TUT4: variants seen among roughly 807,000 people sequenced by gnomAD.
TUT4 encodes terminal uridylyltransferase 4.
Under a neutral mutation model 192.2 loss-of-function variants are expected in TUT4, and 36 were observed. The ratio of observed to expected loss-of-function variants is 0.19; its 90% CI spans 0.14 to 0.25. TUT4 has a LOEUF of 0.25. Ranked by LOEUF, TUT4 falls within the 10% of genes least tolerant of loss-of-function variation. TUT4 has a pLI of 1.00. For missense variants in TUT4, 1,493 were observed against 1,957.2 expected, an observed-to-expected ratio of 0.76 and a Z score of 4.47; for synonymous variants, 618 against 666.0, an observed-to-expected ratio of 0.93 and a Z score of 1.11.
Position 52,525,572 on chromosome 1 carries a change from C to T in TUT4, c.709G>A (p.Asp237Asn). ...CCAAAAAATGACTTACTTAAATCGT[C>T]CGATACGTCTTCAATTCCTGAAGCA... ...DSASGIEDVS[D>N]DLSKMKNDES... The change falls in exon 2 of 30, where the codon GAC becomes AAC. Residue 237 changes from aspartate to asparagine, a missense_variant. Around this residue, in one of 7 missense-constraint regions of TUT4, gnomAD observed 437 missense variants for 577.6 expected, o/e 0.76. Coordinates refer to ENST00000257177, the MANE Select transcript of TUT4 (RefSeq NM_001009881.3). 1.2e-6 allele frequency: 2 copies of T among 1,607,134 alleles called. No homozygotes were observed. The highest frequency in any genetic ancestry group is 1.1e-5 in the South Asian group (1 of 89,700).
At chr1:52,485,939 G>C (rs1331282786) in intron 9 of TUT4, among the ~76,000 whole-genome samples, 1 of 151,900 alleles carries the variant, frequency 6.6e-6, no homozygotes, top group Non-Finnish European at 1.5e-5. Context: ...TAATAATATA[G>C]AGTAATTATA....
intron 20 of TUT4, among the ~76,000 whole-genome samples, chr1:52,456,537 GA>G (rs1661039512): frequency 7.0e-6 from 1 of 143,474 alleles, no homozygotes; most frequent in Non-Finnish European, 1.5e-5. Flanking sequence ...ATCAAGCCAT[GA>G]AAAGACATGG....
At chr1:52,438,570 T>A (rs1019793426) in intron 24 of TUT4, among the ~76,000 whole-genome samples, 4 of 152,190 alleles carry the variant, frequency 2.6e-5, no homozygotes, top group African/African-American at 9.7e-5. Flanking sequence ...ATGCTACAGA[T>A]GAATAAGAAA....
intron 16 of TUT4, chr1:52,464,854 G>T: frequency 2.5e-6 from 1 of 400,778 alleles, no homozygotes. Context: ...CAGTGACATG[G>T]TTTTTGTATC....
intron 1 of TUT4, among the ~76,000 whole-genome samples, chr1:52,537,409 A>G (rs1685230322): frequency 6.6e-6 from 1 of 152,208 alleles, no homozygotes; most frequent in African/African-American, 2.4e-5. Flanking sequence ...ATATATTGAT[A>G]AAAGGTTCAA....
intron 14 of TUT4, among the ~76,000 whole-genome samples, chr1:52,471,008 CTTTTTTTTTTT>C (rs771331613): frequency 1.1e-4 from 9 of 82,156 alleles, no homozygotes; most frequent in Admixed American, 6.3e-4. Flanking sequence ...GCACTCTATG[CTTTTTTTTTTT>C]TTTTTTTTTT....
Position 52,475,281 on chromosome 1 carries a change from T to G in TUT4, c.2278A>C (p.Arg760=). The G allele has an allele frequency of 6.2e-7, 1 of 1,614,184 alleles. No individual in the cohort carries two copies. Among genetic ancestry groups the G allele is most frequent in the Non-Finnish European group, 8.5e-7 (1 of 1,180,036 alleles). Residue 760 remains arginine, a synonymous_variant, in exon 13 of 30, where the codon AGA becomes CGA. Coordinates refer to ENST00000257177, the MANE Select transcript of TUT4 (RefSeq NM_001009881.3). ...GETTEKINAE[R]EQPVQCDEMD... ...TCATCACATTGAACAGGTTGCTCTC[T>G]TTCTGCATTTATTTTTTCTGTGGTT...
intron 4 of TUT4, among the ~76,000 whole-genome samples, chr1:52,503,019 G>A (rs1016736920): frequency 6.6e-6 from 1 of 152,162 alleles, no homozygotes; most frequent in African/African-American, 2.4e-5. Context: ...GTGCTTTACA[G>A]ATGTTATGTC....
In TUT4 at chr1:52,548,306, T is replaced by A. The variant is rs922692645; in HGVS notation, c.-94+4625A>T. Among the ~76,000 whole-genome samples the A allele has an allele frequency of 3.9e-5, 6 of 152,276 alleles. No individual in the cohort carries two copies. The East Asian group carries it at 9.6e-4, about 24-fold the overall frequency. On this transcript the variant is annotated intron_variant, in intron 1 of 29. Transcript: ENST00000257177. ...TTAGTTAAATATTTAATTTAATAAT[T>A]ATATTATTAAACTACACACTGACAA...
intron 28 of TUT4, among the ~76,000 whole-genome samples, chr1:52,426,993 TTGAG>T (rs1358408694): frequency 1.3e-5 from 2 of 152,164 alleles, no homozygotes; most frequent in African/African-American, 2.4e-5. Context: ...CAATTATGAA[TTGAG>T]TATCTATACA....
intron 1 of TUT4, among the ~76,000 whole-genome samples, chr1:52,527,211 G>T (rs1432153669): frequency 2.6e-5 from 4 of 152,222 alleles, no homozygotes; most frequent in Non-Finnish European, 2.9e-5. Context: ...TCTCCACCTT[G>T]AAGTAAAAAC....
At chr1:52,532,273 T>G (rs550641767) in intron 1 of TUT4, among the ~76,000 whole-genome samples, 4 of 152,260 alleles carry the variant, frequency 2.6e-5, no homozygotes, top group African/African-American at 9.6e-5. Context: ...TCAGTTATTT[T>G]TATTTATCTC....
At chr1:52,446,964 A>G (rs1570370105) in intron 20 of TUT4, among the ~76,000 whole-genome samples, 1 of 152,338 alleles carries the variant, frequency 6.6e-6, no homozygotes, top group East Asian at 1.9e-4. Flanking sequence ...AGCAAAACTT[A>G]AAAAAGAAAC....
chr1:52,511,088 G>C (rs1205583533), intron 3 of TUT4, among the ~76,000 whole-genome samples: 2 of 152,126 alleles, frequency 1.3e-5, no homozygotes, highest in Non-Finnish European at 2.9e-5. Flanking sequence ...TGAGAAACTT[G>C]CTCCAAATTT....
Position 52,481,873 on chromosome 1 carries a change from A to G in TUT4, c.1566T>C (p.Phe522=), listed in dbSNP as rs1668556154. 6 of 1,598,876 alleles carry G rather than the reference A, an allele frequency of 3.8e-6. No homozygotes were observed. The highest frequency in any genetic ancestry group is 5.1e-6 in the Non-Finnish European group (6 of 1,176,276). ...QTDGGIPSYC[F]ALMVMFFLQQ... The stretch of plus-strand genomic sequence containing the variant: ...GTAGAAAAAACATCACCATTAAAGC[A>G]AAACAGTAAGAAGGGATTCCACCAT... The change falls in exon 10 of 30, where the codon TTT becomes TTC. Residue 522 remains phenylalanine, a synonymous_variant. Transcript: ENST00000257177.
chr1:52,536,944 T>C (rs974970475), intron 1 of TUT4, among the ~76,000 whole-genome samples: 2 of 152,154 alleles, frequency 1.3e-5, no homozygotes, highest in Admixed American at 1.3e-4. Context: ...GGCAGGCGGA[T>C]CATGAGGTCA....
chr1:52,474,734 C>T, intron 13 of TUT4, 98 bp downstream of exon 13: 1 of 1,049,650 alleles, frequency 9.5e-7, no homozygotes, highest in Non-Finnish European at 1.3e-6. Context: ...AACAAGTCAC[C>T]ACTTTATATA....
intron 1 of TUT4, among the ~76,000 whole-genome samples, chr1:52,529,469 C>T (rs1002061330): frequency 4.6e-5 from 7 of 152,248 alleles, no homozygotes; most frequent in African/African-American, 1.7e-4. Context: ...AAAATGAGCT[C>T]TGTTTCAAAA....
chr1:52,469,611 C>A (rs1269900449), intron 14 of TUT4, among the ~76,000 whole-genome samples: 1 of 152,116 alleles, frequency 6.6e-6, no homozygotes, highest in East Asian at 1.9e-4. Context: ...TACATACAGG[C>A]TGTGCGCCGT....
Sources: allele counts gnomAD v4.1 joint callset (sites outside exome capture counted in the v4.1 genomes callset), GRCh38; gene constraint gnomAD v4.1.1; regional missense constraint gnomAD v4.1.1; transcripts MANE v1.5; gene names NCBI Gene and HGNC (gene_info 2026-07-23, HGNC 2026-07-21).